Variants in PRKCH observed in about 807,000 individuals in gnomAD.
The protein encoded by PRKCH is protein kinase C eta.
In PRKCH, 28 loss-of-function variants were observed where a neutral mutation model predicts 82.5. The observed-to-expected ratio is 0.34, with a 90% CI of 0.25 to 0.47. The LOEUF (loss-of-function observed/expected upper bound fraction) is 0.47, where lower values mean the gene tolerates loss of function less well. Ranked by LOEUF, PRKCH falls within the 20% of genes least tolerant of loss-of-function variation. The pLI is 1.00. For missense variants in PRKCH, 705 were observed against 881.8 expected (o/e 0.80, Z 2.54); for synonymous variants, 322 against 327.4 (o/e 0.98, Z 0.18).
At chr14:61,514,461 G>A (rs1472262502) in intron 10 of PRKCH, among the ~76,000 whole-genome samples, 2 of 152,072 alleles carry the variant, frequency 1.3e-5, no homozygotes, top group African/African-American at 4.8e-5. Context: ...GGTCTGGGGT[G>A]GACTTGAGAG....
chr14:61,480,884 T>TA (rs1885940708), intron 9 of PRKCH, among the ~76,000 whole-genome samples: 1 of 152,168 alleles, frequency 6.6e-6, no homozygotes, highest in East Asian at 1.9e-4. Flanking sequence ...CCTGACATCT[T>TA]ACACTTCAAC....
chr14:61,317,791 C>G (rs1005675224), upstream of PRKCH, among the ~76,000 whole-genome samples: 2 of 152,090 alleles, frequency 1.3e-5, no homozygotes, highest in Admixed American at 6.5e-5. Flanking sequence ...CTGGAGGGCT[C>G]TGTCCTGGGT....
intron 1 of PRKCH, among the ~76,000 whole-genome samples, chr14:61,285,346 A>G (rs2045305562): frequency 6.6e-6 from 1 of 152,250 alleles, no homozygotes; most frequent in South Asian, 2.1e-4. Context: ...GGAGAATAGT[A>G]TTGGATAGGG....
chr14:61,212,846 C>T lies in PRKCH; in HGVS notation c.-19+25178C>T, dbSNP rs77053611. On this transcript the variant is annotated intron_variant, in intron 1 of 3. Transcript: ENST00000555185. ...AGAGTAAAGGCAGCACTGAGTGCTC[C>T]GTGAGCAGAGGAGGGAGCAACTCAC... 1.7e-3 allele frequency among the ~76,000 whole-genome samples: 264 copies of T among 152,274 alleles called. 1 individual carries two copies. Among genetic ancestry groups the T allele is most frequent in the Non-Finnish European group, 2.7e-3 (182 of 68,034 alleles).
intron 1 of PRKCH, chr14:61,360,984 G>C (rs543155713): frequency 6.6e-6 from 1 of 152,232 alleles, no homozygotes; most frequent in Non-Finnish European, 1.5e-5. Context: ...AGCTACGCAC[G>C]GAAAGTAGGG....
At chr14:61,194,005 G>C (rs950378311) in intron 1 of PRKCH, among the ~76,000 whole-genome samples, 2 of 152,132 alleles carry the variant, frequency 1.3e-5, no homozygotes, top group African/African-American at 4.8e-5. Context: ...ATCTACCACT[G>C]TTCTTTTCAT....
At chr14:61,547,058 G>A (rs1485019495) in intron 12 of PRKCH, among the ~76,000 whole-genome samples, 1 of 152,212 alleles carries the variant, frequency 6.6e-6, no homozygotes, top group Non-Finnish European at 1.5e-5. Context: ...GCTCGTTTTA[G>A]TTTTTGGTCT....
At chr14:61,424,802 G>A (rs1362509710) in intron 2 of PRKCH, among the ~76,000 whole-genome samples, 1 of 152,236 alleles carries the variant, frequency 6.6e-6, no homozygotes, top group Non-Finnish European at 1.5e-5. Flanking sequence ...CAGGCCCCGA[G>A]GCCTAGAAGG....
chr14:61,492,420 A>C (rs1321314017), intron 10 of PRKCH: 1 of 152,216 alleles, frequency 6.6e-6, no homozygotes, highest in Non-Finnish European at 1.5e-5. Flanking sequence ...TATCTTTTAC[A>C]GATGAGGGAC....
chr14:61,228,508 G>C (rs151106417), intron 1 of PRKCH, among the ~76,000 whole-genome samples: 2 of 152,190 alleles, frequency 1.3e-5, no homozygotes, highest in Non-Finnish European at 2.9e-5. Context: ...ACAGAACAAA[G>C]GGAAACAGAA....
chr14:61,250,523 C>T (rs969295352), intron 1 of PRKCH, among the ~76,000 whole-genome samples: 13 of 152,172 alleles, frequency 8.5e-5, no homozygotes, highest in South Asian at 2.1e-4. Flanking sequence ...AGCTATATGA[C>T]GTTCTGTCTC....
chr14:61,288,844 C>T (rs938175274), intron 1 of PRKCH, among the ~76,000 whole-genome samples: 1 of 152,154 alleles, frequency 6.6e-6, no homozygotes, highest in East Asian at 1.9e-4. Flanking sequence ...GGAACGGAAA[C>T]TTATTCAAAT....
chr14:61,287,204 TAAAAAAAAA>T lies in PRKCH; in HGVS notation c.-19+99558_-19+99566del, dbSNP rs35045657. On this transcript the variant is annotated intron_variant, in intron 1 of 3. Coordinates refer to the PRKCH transcript ENST00000555185. ...TGAGCAACAGTGCAAGACTCCGTCTTAAAAAAAAAAAAAAAAAAAAAAAAAAAAAAGATA... is the reference window on the plus strand; with the variant it reads ...TGAGCAACAGTGCAAGACTCCGTCTTAAAAAAAAAAAAAAAAAAAAAGATA... 6.4e-3 allele frequency among the ~76,000 whole-genome samples: 373 copies of T among 57,946 alleles called. 4 individuals carry two copies. Among genetic ancestry groups the T allele is most frequent in the Non-Finnish European group, 0.01 (323 of 31,298 alleles). 38.0% of individuals were successfully genotyped at this position (57,946 alleles called of 152,430 possible). A position where few individuals can be genotyped will look rare whatever the true frequency, so the allele number is the denominator to read the frequency against.
chr14:61,263,775 A>T (rs1308027246), intron 1 of PRKCH, among the ~76,000 whole-genome samples: 2 of 152,030 alleles, frequency 1.3e-5, no homozygotes, highest in Non-Finnish European at 2.9e-5. Context: ...CATAACTTCA[A>T]GGGTCAAGTC....
At chr14:61,223,837 A>G (rs558363897) in intron 1 of PRKCH, among the ~76,000 whole-genome samples, 227 of 152,326 alleles carry the variant, frequency 1.5e-3, no homozygotes, top group African/African-American at 5.0e-3. Context: ...GCAGCCATAA[A>G]CAGCACCTTG....
At chr14:61,333,933 C>T (rs191781258) in intron 1 of PRKCH, among the ~76,000 whole-genome samples, 1 of 152,224 alleles carries the variant, frequency 6.6e-6, no homozygotes, top group East Asian at 1.9e-4. Context: ...CTTTGAGCCC[C>T]AGTCTCCCAT....
In PRKCH at chr14:61,453,369, T is replaced by G. The variant is rs768570425; in HGVS notation, c.960+16T>G. The stretch of plus-strand genomic sequence containing the variant: ...TCCAACCTCGGTGAGACTTTGCTTT[T>G]TTTCCATGTCTCGTAATTTAGAAGT... On this transcript the variant is annotated intron_variant, in intron 7 of 13. Transcript: ENST00000332981. The G allele has an allele frequency of 1.2e-6, 2 of 1,609,048 alleles. No homozygotes were observed. Among genetic ancestry groups the G allele is most frequent in the Non-Finnish European group, 1.7e-6 (2 of 1,176,844 alleles).
At chr14:61,239,548 T>C (rs2044818284) in intron 1 of PRKCH, among the ~76,000 whole-genome samples, 1 of 152,234 alleles carries the variant, frequency 6.6e-6, no homozygotes. Flanking sequence ...GCTCTCTTCC[T>C]GCTTCTGCTA....
At chr14:61,319,581 T>A (rs769054364), upstream of PRKCH, among the ~76,000 whole-genome samples, 21 of 152,190 alleles carry the variant, frequency 1.4e-4, no homozygotes, top group Middle Eastern at 6.8e-3. Context: ...TAAAAAAAAA[T>A]TTAAAGTCTA....
Sources: gnomAD v4.1 joint callset for allele counts (sites outside exome capture counted in the v4.1 genomes callset) on GRCh38, gnomAD v4.1.1 for gene constraint, MANE v1.5 for transcripts, NCBI Gene and HGNC (gene_info 2026-07-23, HGNC 2026-07-21) for gene names.